The following FAXC variants were observed in gnomAD, a reference collection of about 807,000 sequenced individuals.
FAXC encodes the protein failed axon connections homolog.
Under a neutral mutation model 41.9 loss-of-function variants are expected in FAXC, and 10 were observed. The ratio of observed to expected loss-of-function variants is 0.24; its 90% CI spans 0.15 to 0.41. The LOEUF is 0.41. FAXC is among the 10% of genes least tolerant of loss of function. The probability of loss-of-function intolerance (pLI) is 1.00; values close to 1 mark genes in which losing one functional copy is unlikely to be tolerated. For synonymous variants in FAXC, 183 were observed against 183.8 expected, an observed-to-expected ratio of 1.00 and a Z score of 0.03; for missense variants, 399 against 510.9, an observed-to-expected ratio of 0.78 and a Z score of 2.11.
At chr6:99,303,376 AC>A (rs1232782018) in intron 4 of FAXC, among the ~76,000 whole-genome samples, 1 of 152,220 alleles carries the variant, frequency 6.6e-6, no homozygotes, top group Non-Finnish European at 1.5e-5. Context: ...TATTTATAAT[AC>A]CTTGCCCTTA....
intron 2 of FAXC, among the ~76,000 whole-genome samples, chr6:99,341,262 AATAAG>A (rs1021035536): frequency 4.3e-4 from 65 of 152,284 alleles, no homozygotes; most frequent in African/African-American, 1.5e-3. Context: ...AAAAATATTA[AATAAG>A]ATATTAGAAA....
At chr6:99,306,549 G>A (rs758446629) in intron 4 of FAXC, among the ~76,000 whole-genome samples, 51 of 152,294 alleles carry the variant, frequency 3.3e-4, no homozygotes, top group Non-Finnish European at 6.0e-4. Flanking sequence ...GGAGTGTGCG[G>A]AGATAAATAT....
chr6:99,335,409 A>T (rs1329785040), intron 2 of FAXC, among the ~76,000 whole-genome samples: 1 of 152,246 alleles, frequency 6.6e-6, no homozygotes, highest in Non-Finnish European at 1.5e-5. Context: ...ACTGTTGGAC[A>T]TGCTCACAGG....
At chr6:99,346,818 A>G (rs1045645471) in intron 1 of FAXC, among the ~76,000 whole-genome samples, 1 of 152,324 alleles carries the variant, frequency 6.6e-6, no homozygotes, top group East Asian at 1.9e-4. Flanking sequence ...CTGAGCTGCA[A>G]TTTCCTTATC....
rs759585038 is a variant in FAXC, at chr6:99,323,509, C to T, written c.758G>A (p.Arg253His). The change falls in exon 4 of 6, where the codon CGC (arginine) becomes CAC (histidine). Residue 253 changes from arginine to histidine, a missense_variant. Arg to His is a conservative substitution (Grantham distance 29). Coordinates refer to ENST00000389677, the MANE Select transcript of FAXC (RefSeq NM_032511.4). ...KREMHGHGIGRFSEEEIYMLM... is the reference protein window; with the variant it reads ...KREMHGHGIGHFSEEEIYMLM... The stretch of plus-strand genomic sequence containing the variant: ...CATGTAAATCTCTTCCTCGGAGAAG[C>T]GGCCAATGCCGTGGCCGTGCATCTC... The T allele has an allele frequency of 5.0e-6, 8 of 1,614,108 alleles. No individual in the cohort carries two copies. The highest frequency in any genetic ancestry group is 2.7e-5 in the African/African-American group (2 of 74,948).
intron 4 of FAXC, among the ~76,000 whole-genome samples, chr6:99,308,337 AATCAG>A (rs541556597): frequency 5.9e-4 from 90 of 152,356 alleles, no homozygotes; most frequent in African/African-American, 1.8e-3. Flanking sequence ...GAATCAGAAG[AATCAG>A]AAAATCAGTT....
At chr6:99,315,710 A>G (rs1370065777) in intron 4 of FAXC, among the ~76,000 whole-genome samples, 4 of 152,320 alleles carry the variant, frequency 2.6e-5, no homozygotes, top group African/African-American at 9.6e-5. Flanking sequence ...ACATTTACAA[A>G]TTTAAATTTT....
intron 4 of FAXC, among the ~76,000 whole-genome samples, chr6:99,296,227 C>A (rs932056145): frequency 6.6e-6 from 1 of 152,046 alleles, no homozygotes; most frequent in Non-Finnish European, 1.5e-5. Flanking sequence ...AAGTTAAAGG[C>A]TTCGGACTGC....
At chr6:99,314,192 C>T (rs1201602210) in intron 4 of FAXC, among the ~76,000 whole-genome samples, 1 of 152,040 alleles carries the variant, frequency 6.6e-6, no homozygotes, top group Non-Finnish European at 1.5e-5. Context: ...ATGTCCAGAA[C>T]CTGATTATGC....
chr6:99,291,875 T>C, intron 4 of FAXC, 55 bp from the exon 5 acceptor site: 2 of 1,268,832 alleles, frequency 1.6e-6, no homozygotes, highest in Non-Finnish European at 2.3e-6. Flanking sequence ...CCCCACATCA[T>C]CACAATGGCA....
At chr6:99,308,542 T>C (rs1772024474) in intron 4 of FAXC, among the ~76,000 whole-genome samples, 1 of 150,954 alleles carries the variant, frequency 6.6e-6, no homozygotes, top group Non-Finnish European at 1.5e-5. Flanking sequence ...TTCACTCCTA[T>C]GAACTTATCT....
chr6:99,303,328 T>C, intron 4 of FAXC, among the ~76,000 whole-genome samples: 1 of 152,222 alleles, frequency 6.6e-6, no homozygotes, highest in East Asian at 1.9e-4. Flanking sequence ...ATACTGTAGG[T>C]GTTCAGTAAA....
intron 2 of FAXC, among the ~76,000 whole-genome samples, chr6:99,335,095 C>T (rs960617771): frequency 1.3e-5 from 2 of 152,214 alleles, no homozygotes. Flanking sequence ...ATTTGCCCTT[C>T]CTCTGTGCTT....
intron 3 of FAXC, among the ~76,000 whole-genome samples, chr6:99,329,538 T>C (rs1049751116): frequency 6.6e-6 from 1 of 152,190 alleles, no homozygotes; most frequent in African/African-American, 2.4e-5. Context: ...GCTTATACTC[T>C]GAATATCTAC....
chr6:99,291,762 T>C lies in FAXC; in HGVS notation c.882A>G (p.Gly294=), dbSNP rs777184926. ...AGGTCCACATTGCCTGTGCCAAGTG[T>C]CCAAAGACAGTGGCGTCAAGAGTGG... ...KLSTLDATVF[G]HLAQAMWTLP... Residue 294 remains glycine (G), a synonymous_variant, in exon 5 of 6, where the codon GGA becomes GGG. Transcript: ENST00000389677. 1.2e-6 allele frequency: 2 copies of C among 1,614,130 alleles called. No homozygotes were observed. Among genetic ancestry groups the C allele is most frequent in the Middle Eastern group, 3.3e-4 (2 of 6,060 alleles).
At chr6:99,317,794 C>T (rs1431995687) in intron 4 of FAXC, among the ~76,000 whole-genome samples, 1 of 152,206 alleles carries the variant, frequency 6.6e-6, no homozygotes, top group African/African-American at 2.4e-5. Flanking sequence ...TTCTTATTTT[C>T]ATTGTCTTAT....
chr6:99,293,406 C>T (rs1771324927), intron 4 of FAXC, among the ~76,000 whole-genome samples: 1 of 152,194 alleles, frequency 6.6e-6, no homozygotes, highest in African/African-American at 2.4e-5. Flanking sequence ...TCTATCCATC[C>T]GTCAAGGTCC....
At chr6:99,349,792 G>A (rs1773741892), upstream of FAXC, 1 of 152,032 alleles carries the variant, frequency 6.6e-6, no homozygotes, top group Admixed American at 6.6e-5. Context: ...GGCCGGATCT[G>A]CAGGGCTGAG....
At chr6:99,326,520 T>C (rs9494131) in intron 3 of FAXC, among the ~76,000 whole-genome samples, 38,201 of 151,966 alleles carry the variant, frequency 0.25, 4,969 homozygotes, top group Admixed American at 0.33. Context: ...GAAGGTCCCA[T>C]GGAACCCCTA....
Sources: allele counts gnomAD v4.1 joint callset (sites outside exome capture counted in the v4.1 genomes callset), GRCh38; gene constraint gnomAD v4.1.1; transcripts MANE v1.5; gene names NCBI Gene and HGNC (gene_info 2026-07-23, HGNC 2026-07-21).